PIBF1: variants seen among roughly 807,000 people sequenced by gnomAD.
PIBF1 encodes the protein progesterone-induced-blocking factor 1.
PIBF1 carries 90 observed loss-of-function variants against 112.5 expected under a neutral mutation model. The ratio of observed to expected loss-of-function variants is 0.80; its 90% confidence interval spans 0.67 to 0.95. The LOEUF is 0.95. Ranked by LOEUF, PIBF1 falls within the 40% of genes least tolerant of loss-of-function variation. PIBF1 has a pLI of 0.00. For missense variants in PIBF1, 915 were observed against 852.3 expected (o/e 1.07, Z -0.92); for synonymous variants, 301 against 288.6 (o/e 1.04, Z -0.44).
At chr13:72,945,226 A>G (rs1182915373) in intron 14 of PIBF1, among the ~76,000 whole-genome samples, 1 of 152,122 alleles carries the variant, frequency 6.6e-6, no homozygotes, top group African/African-American at 2.4e-5. Flanking sequence ...ACACAATTTC[A>G]TTCTTTTTTA....
chr13:72,920,911 G>A (rs1341971011), intron 13 of PIBF1, among the ~76,000 whole-genome samples: 1 of 152,000 alleles, frequency 6.6e-6, no homozygotes, highest in African/African-American at 2.4e-5. Flanking sequence ...TTGTACATCA[G>A]CCTATACCAA....
At chr13:72,944,189 G>C (rs898425155) in intron 14 of PIBF1, among the ~76,000 whole-genome samples, 1 of 152,180 alleles carries the variant, frequency 6.6e-6, no homozygotes, top group Admixed American at 6.5e-5. Context: ...GCTAATGCCT[G>C]TAATCCCAGC....
chr13:72,859,987 G>A (rs144254157), intron 10 of PIBF1, among the ~76,000 whole-genome samples: 353 of 152,308 alleles, frequency 2.3e-3, no homozygotes, highest in Non-Finnish European at 3.4e-3. Flanking sequence ...TAAAGTAGTA[G>A]AATTGGGACC....
intron 10 of PIBF1, among the ~76,000 whole-genome samples, chr13:72,891,935 G>T (rs567977780): frequency 1.3e-5 from 2 of 152,122 alleles, no homozygotes; most frequent in Non-Finnish European, 2.9e-5. Context: ...ACATCAGAAG[G>T]CCACATATTA....
At chr13:72,784,712 C>A (rs539994541) in intron 2 of PIBF1, among the ~76,000 whole-genome samples, 1 of 151,768 alleles carries the variant, frequency 6.6e-6, no homozygotes, top group South Asian at 2.1e-4. Flanking sequence ...GAGCTGAGAT[C>A]GTACCACTGC....
chr13:72,945,950 G>A (rs886243419), intron 14 of PIBF1, among the ~76,000 whole-genome samples: 2 of 152,036 alleles, frequency 1.3e-5, no homozygotes, highest in African/African-American at 2.4e-5. Flanking sequence ...AGTTCTGCTT[G>A]GGTTAACTGG....
chr13:72,865,118 A>G (rs1213007556), intron 10 of PIBF1, among the ~76,000 whole-genome samples: 2 of 152,174 alleles, frequency 1.3e-5, no homozygotes, highest in Non-Finnish European at 2.9e-5. Flanking sequence ...TATCTTAAAA[A>G]GTTGTAGATG....
chr13:72,989,805 AAG>A (rs2043413114), intron 16 of PIBF1, among the ~76,000 whole-genome samples: 1 of 152,234 alleles, frequency 6.6e-6, no homozygotes, highest in Non-Finnish European at 1.5e-5. Context: ...CTATTTGAGA[AAG>A]AAAATATTGA....
chr13:72,883,795 A>G (rs2039737512), intron 10 of PIBF1, among the ~76,000 whole-genome samples: 2 of 152,182 alleles, frequency 1.3e-5, no homozygotes, highest in South Asian at 4.1e-4. Flanking sequence ...GCCTAATTGT[A>G]CATTTTAAAA....
chr13:72,821,851 AT>A lies in PIBF1; in HGVS notation c.676del (p.Tyr226MetfsTer20). Reference protein sequence around the residue: ...KNQLKQLTETYEEDRKNYSEV... With the variant: ...KNQLKQLTETXEEDRKNYSEV... ...GTTATTATTCCTTTGGTTTATAGAC[AT>A]ATGAGGAAGATCGAAAAAACTACTC... On this transcript the variant is annotated frameshift_variant, in exon 6 of 18. Transcript: ENST00000326291. LOFTEE classifies it high-confidence loss of function. 1 of 1,610,398 alleles carries A rather than the reference AT, an allele frequency of 6.2e-7. No homozygotes were observed. Among genetic ancestry groups the A allele is most frequent in the Non-Finnish European group, 8.5e-7 (1 of 1,177,872 alleles).
chr13:73,010,890 GATCTC>G (rs1420442110), intron 17 of PIBF1, among the ~76,000 whole-genome samples: 1 of 120,680 alleles, frequency 8.3e-6, no homozygotes, highest in East Asian at 2.9e-4. Context: ...GCAATGGTGT[GATCTC>G]AGCTCACTGC....
intron 10 of PIBF1, among the ~76,000 whole-genome samples, chr13:72,872,921 G>A (rs2039226779): frequency 6.6e-6 from 1 of 152,100 alleles, no homozygotes; most frequent in Non-Finnish European, 1.5e-5. Context: ...CTGAAAACTA[G>A]TAAATATTGC....
intron 5 of PIBF1, among the ~76,000 whole-genome samples, chr13:72,814,385 G>A (rs1274192986): frequency 6.8e-6 from 1 of 147,140 alleles, no homozygotes; most frequent in Non-Finnish European, 1.5e-5. Context: ...GCAGTGAGCC[G>A]AGATTGCGCC....
intron 14 of PIBF1, among the ~76,000 whole-genome samples, chr13:72,951,729 G>A (rs1259264765): frequency 6.6e-6 from 1 of 151,984 alleles, no homozygotes; most frequent in East Asian, 1.9e-4. Context: ...ATAATGACAT[G>A]TGTCTGTCAT....
chr13:72,909,053 A>G (rs776808065), intron 12 of PIBF1, among the ~76,000 whole-genome samples: 1 of 152,176 alleles, frequency 6.6e-6, no homozygotes, highest in Non-Finnish European at 1.5e-5. Context: ...TCAAAAAAAA[A>G]AGAAAAGAAA....
At chr13:72,928,095 G>A (rs1459788348) in intron 13 of PIBF1, among the ~76,000 whole-genome samples, 1 of 146,810 alleles carries the variant, frequency 6.8e-6, no homozygotes. Flanking sequence ...CTGACTTAGA[G>A]GTGAGTTTTT....
intron 16 of PIBF1, among the ~76,000 whole-genome samples, chr13:72,982,951 A>G (rs2043188692): frequency 6.6e-6 from 1 of 152,188 alleles, no homozygotes; most frequent in Admixed American, 6.5e-5. Flanking sequence ...TACTTCCTAA[A>G]ACCTTGGAGA....
In PIBF1 at chr13:72,965,267, T is replaced by C. The variant is rs1566497403; in HGVS notation, c.1834-7T>C. ...TCTAGATTTTAATGAAACCTGTGTT[T>C]CTTTAGCTTGACAGAGCCAATTCGC... On this transcript the variant is annotated splice_region_variant and splice_polypyrimidine_tract_variant and intron_variant, in intron 14 of 17. Transcript: ENST00000326291. 1.2e-6 allele frequency: 2 copies of C among 1,605,298 alleles called. No homozygotes were observed. The highest frequency in any genetic ancestry group is 3.4e-5 in the Admixed American group (2 of 58,160).
At chr13:73,006,893 C>A (rs2044048340) in intron 17 of PIBF1, among the ~76,000 whole-genome samples, 1 of 152,002 alleles carries the variant, frequency 6.6e-6, no homozygotes, top group African/African-American at 2.4e-5. Context: ...TTAGTCTTGT[C>A]ATTTGTTTCT....
Sources: gnomAD v4.1 joint callset for allele counts (sites outside exome capture counted in the v4.1 genomes callset) on GRCh38, gnomAD v4.1.1 for gene constraint, MANE v1.5 for transcripts, NCBI Gene and HGNC (gene_info 2026-07-23, HGNC 2026-07-21) for gene names.